COL14A1: variants seen among roughly 807,000 people sequenced by gnomAD.
COL14A1 encodes collagen alpha-1(XIV) chain.
COL14A1 carries 136 observed loss-of-function variants against 230.3 expected under a neutral mutation model. The ratio of observed to expected loss-of-function variants is 0.59; its 90% CI spans 0.51 to 0.68. The LOEUF is 0.68. Among genes scored for constraint, COL14A1 ranks in the 30% least tolerant of loss-of-function variants. The probability of loss-of-function intolerance (pLI) is 0.00; values close to 1 mark genes in which losing one functional copy is unlikely to be tolerated. For synonymous variants in COL14A1, 792 were observed against 784.1 expected (o/e 1.01, Z -0.17); for missense variants, 1,976 against 2,215.8 (o/e 0.89, Z 2.17).
Position 120,328,010 on chromosome 8 carries a change from C to T in COL14A1, c.4660-4131C>T, listed in dbSNP as rs538129274. On this transcript the variant is annotated intron_variant, in intron 40 of 47. Coordinates refer to ENST00000297848, the MANE Select transcript of COL14A1 (RefSeq NM_021110.4). ...AACTCCTGACCTCAGGTCATCTGCC[C>T]GCCTCGGCCTCCCAAAGTGCTGAGA... 3.9e-5 allele frequency among the ~76,000 whole-genome samples: 6 copies of T among 152,104 alleles called. No homozygotes were observed. In the South Asian group the frequency reaches 8.3e-4, roughly 21 times the overall value.
intron 45 of COL14A1, among the ~76,000 whole-genome samples, chr8:120,366,208 CA>C (rs1288026245): frequency 6.6e-6 from 1 of 152,184 alleles, no homozygotes; most frequent in Non-Finnish European, 1.5e-5. Flanking sequence ...TTAAAGTAAA[CA>C]AATAGTTATT....
intron 5 of COL14A1, among the ~76,000 whole-genome samples, chr8:120,192,816 C>T (rs901287127): frequency 1.3e-4 from 20 of 152,080 alleles, no homozygotes; most frequent in Admixed American, 6.5e-5. Flanking sequence ...TCACTGATAC[C>T]CTTTCTTCCA....
chr8:120,328,396 A>T (rs981284643), intron 40 of COL14A1, among the ~76,000 whole-genome samples: 3 of 116,984 alleles, frequency 2.6e-5, no homozygotes, highest in Admixed American at 8.7e-5. Context: ...ATTTTTTTTT[A>T]ATTTTTTTTT....
chr8:120,362,853 G>T (rs1823268139), intron 45 of COL14A1, among the ~76,000 whole-genome samples: 1 of 152,110 alleles, frequency 6.6e-6, no homozygotes. Context: ...ATATTATTTT[G>T]GTTACTCTAC....
At chr8:120,218,340 C>T (rs1472290458) in intron 14 of COL14A1, among the ~76,000 whole-genome samples, 1 of 147,836 alleles carries the variant, frequency 6.8e-6, no homozygotes, top group Non-Finnish European at 1.5e-5. Flanking sequence ...GATGGAGTCT[C>T]ACTTTGTTGC....
intron 21 of COL14A1, among the ~76,000 whole-genome samples, chr8:120,248,227 G>A (rs753393020): frequency 4.6e-5 from 7 of 151,834 alleles, no homozygotes; most frequent in East Asian, 1.9e-4. Flanking sequence ...AACTCATCAC[G>A]GTAGTAAAAT....
At chr8:120,273,398 A>G (rs1434545606) in intron 26 of COL14A1, among the ~76,000 whole-genome samples, 3 of 151,796 alleles carry the variant, frequency 2.0e-5, no homozygotes, top group African/African-American at 7.2e-5. Context: ...TGAAACAAGA[A>G]CAAACCAAAG....
intron 18 of COL14A1, among the ~76,000 whole-genome samples, chr8:120,229,798 G>T (rs536797882): frequency 2.2e-4 from 34 of 152,274 alleles, no homozygotes; most frequent in Middle Eastern, 3.4e-3. Context: ...TTTAATGATT[G>T]CCATTCTAAC....
At position 120,244,487 on chromosome 8, in the gene COL14A1, C is replaced by T. The variant is rs147271543; in HGVS notation, c.2479+479C>T. On this transcript the variant is annotated intron_variant, in intron 20 of 47. Coordinates refer to ENST00000297848, the MANE Select transcript of COL14A1 (RefSeq NM_021110.4). ...GTGATATTTTGGTGCACTCATCACCCGAGCAGTATACACTGAACCCAATTG... is the reference window on the plus strand; with the variant it reads ...GTGATATTTTGGTGCACTCATCACCTGAGCAGTATACACTGAACCCAATTG... 9.7e-3 allele frequency among the ~76,000 whole-genome samples: 1,470 copies of T among 152,174 alleles called. 20 individuals carry two copies. The highest frequency in any genetic ancestry group is 0.035 in the South Asian group (170 of 4,810).
intron 45 of COL14A1, among the ~76,000 whole-genome samples, chr8:120,354,693 T>C (rs1822915697): frequency 6.6e-6 from 1 of 152,252 alleles, no homozygotes; most frequent in Middle Eastern, 3.4e-3. Context: ...CTTACACAGA[T>C]TGTAATAGAG....
At chr8:120,271,831 G>A (rs1251249227) in intron 26 of COL14A1, among the ~76,000 whole-genome samples, 2 of 151,410 alleles carry the variant, frequency 1.3e-5, no homozygotes, top group African/African-American at 4.8e-5. Context: ...TCACTGGAAG[G>A]TTTTAAGGAG....
rs112591549 is a variant in COL14A1, at chr8:120,263,811, C to A, written c.3016+797C>A. ...TACTATCTGTGTATAGCTCTTCCAG[C>A]CTCTCTGGCACTTGCAGAGGGAAAT... is the stretch of plus-strand genomic sequence containing the variant. On this transcript the variant is annotated intron_variant, in intron 24 of 47. Coordinates refer to ENST00000297848, the MANE Select transcript of COL14A1 (RefSeq NM_021110.4). Among the ~76,000 whole-genome samples, 1,250 of 152,176 alleles carry A rather than the reference C, an allele frequency of 8.2e-3. 23 individuals carry two copies. Among genetic ancestry groups the A allele is most frequent in the African/African-American group, 0.028 (1,172 of 41,516 alleles).
At chr8:120,278,331 A>AT (rs879087891) in intron 27 of COL14A1, 97 bp downstream of exon 27, 589 of 1,475,514 alleles carry the variant, frequency 4.0e-4, no homozygotes, top group South Asian at 7.6e-4. Context: ...TTTTTTAAAG[A>AT]TTTTTTTTTT....
At position 120,371,986 on chromosome 8, in the gene COL14A1, G is replaced by T. The variant is rs756636311; in HGVS notation, c.*755G>T. On this transcript the variant is annotated 3_prime_UTR_variant, in exon 48 of 48. Transcript: ENST00000297848. Reference sequence around the variant, plus strand: ...ACTTTGTACATGCAGATAAGTTTTCGCAAACCTATTTCCATTTTCTTTTGT... The same window carrying T: ...ACTTTGTACATGCAGATAAGTTTTCTCAAACCTATTTCCATTTTCTTTTGT... 4.5e-6 allele frequency: 1 copy of T among 222,138 alleles called. No individual in the cohort carries two copies. The allele number at this position is 222,138 out of a possible 1,614,324, so 13.8% of individuals were successfully genotyped here. A position where few individuals can be genotyped will look rare whatever the true frequency, so the allele number is the denominator to read the frequency against.
At chr8:120,311,700 T>A (rs1821044819) in intron 37 of COL14A1, among the ~76,000 whole-genome samples, 2 of 152,156 alleles carry the variant, frequency 1.3e-5, no homozygotes, top group South Asian at 2.1e-4. Context: ...AAAGCAAACC[T>A]CTTGTTGGTC....
In COL14A1 at chr8:120,162,579, T is replaced by G. The variant is rs1815717585; in HGVS notation, c.349+10T>G. On this transcript the variant is annotated intron_variant, in intron 4 of 47. Coordinates refer to ENST00000297848, the MANE Select transcript of COL14A1 (RefSeq NM_021110.4). ...CAAGGCCAATTCAGAAGTACGTATT[T>G]ACAGTTCTCAAAGCACCTCCGCAGG... 1 of 1,596,666 alleles carries G rather than the reference T, an allele frequency of 6.3e-7. No individual in the cohort carries two copies.
At chr8:120,207,310 G>A (rs565109573) in intron 10 of COL14A1, among the ~76,000 whole-genome samples, 98 of 152,268 alleles carry the variant, frequency 6.4e-4, no homozygotes, top group African/African-American at 2.3e-3. Flanking sequence ...CTCAGAACTG[G>A]TCAGGTATGA....
intron 5 of COL14A1, among the ~76,000 whole-genome samples, chr8:120,187,234 G>A (rs960604931): frequency 1.3e-5 from 2 of 152,114 alleles, no homozygotes; most frequent in South Asian, 4.1e-4. Context: ...CAATAATATT[G>A]TTTAAAAGGA....
chr8:120,282,189 A>G (rs1405580830), intron 31 of COL14A1, among the ~76,000 whole-genome samples: 1 of 152,242 alleles, frequency 6.6e-6, no homozygotes, highest in Non-Finnish European at 1.5e-5. Context: ...TTGTAGGGAC[A>G]TGGATGAAAT....
Sources: allele counts gnomAD v4.1 joint callset (sites outside exome capture counted in the v4.1 genomes callset), GRCh38; gene constraint gnomAD v4.1.1; transcripts MANE v1.5; gene names NCBI Gene and HGNC (gene_info 2026-07-23, HGNC 2026-07-21).